The following ZNF423 variants were observed in gnomAD, a reference collection of about 807,000 sequenced individuals.
The protein encoded by ZNF423 is Ebf-associated zinc finger protein.
Under a neutral mutation model 95.8 loss-of-function variants are expected in ZNF423, and 12 were observed. That is an observed-to-expected ratio of 0.13 (90% CI 0.08 to 0.20). The LOEUF (loss-of-function observed/expected upper bound fraction) is 0.20, where lower values mean the gene tolerates loss of function less well. ZNF423 is among the 10% of genes least tolerant of loss of function. The pLI, the probability that ZNF423 is intolerant of heterozygous loss-of-function variation, is 1.00. For synonymous variants in ZNF423, 749 were observed against 711.9 expected (o/e 1.05, Z -0.83); for missense variants, 1,316 against 1,737.1 (o/e 0.76, Z 4.31).
intron 1 of ZNF423, among the ~76,000 whole-genome samples, chr16:49,831,997 A>AAG: frequency 6.6e-6 from 1 of 150,794 alleles, no homozygotes; most frequent in South Asian, 2.1e-4. Context: ...AAAAAAAAAA[A>AAG]GGAAGATGCC....
rs1211045896 is a variant in ZNF423, at chr16:49,842,410, AAGGCAGGCAGGCAGGCAGGC to A, written c.40+13305_40+13324del. Among the ~76,000 whole-genome samples the A allele has an allele frequency of 9.6e-4, 75 of 77,948 alleles. 1 individual carries two copies. The highest frequency in any genetic ancestry group is 4.2e-3 in the South Asian group (8 of 1,898). The allele number at this position is 77,948 out of a possible 152,430, so 51.1% of individuals were successfully genotyped here. ...GAAGGAAGGAAGGAAGGAAGGAAGG[AAGGCAGGCAGGCAGGCAGGC>A]AGGCAGGCAGGCAGGCAGGCCCATA... is the stretch of plus-strand genomic sequence containing the variant. On this transcript the variant is annotated intron_variant, in intron 1 of 7. Coordinates refer to ENST00000563137, the MANE Select transcript of ZNF423 (RefSeq NM_001379286.1).
chr16:49,491,386 C>T (rs757954584), intron 7 of ZNF423, 82 bp from the exon 8 acceptor site: 95 of 1,547,528 alleles, frequency 6.1e-5, no homozygotes, highest in Non-Finnish European at 7.9e-5. Context: ...GCATTTACGC[C>T]GGGAGCCGCA....
At chr16:49,714,383 G>A (rs1437354361) in intron 3 of ZNF423, among the ~76,000 whole-genome samples, 2 of 152,190 alleles carry the variant, frequency 1.3e-5, no homozygotes, top group Non-Finnish European at 2.9e-5. Flanking sequence ...GGGGCCAGGT[G>A]CGGTGGCTCA....
chr16:49,772,993 G>A (rs2034060615), intron 2 of ZNF423, among the ~76,000 whole-genome samples: 1 of 152,244 alleles, frequency 6.6e-6, no homozygotes. Flanking sequence ...AGGATGGAGT[G>A]AGTGCTGAGC....
chr16:49,554,115 A>G (rs1371023595), intron 5 of ZNF423, among the ~76,000 whole-genome samples: 1 of 152,140 alleles, frequency 6.6e-6, no homozygotes, highest in South Asian at 2.1e-4. Context: ...AACAGGATGC[A>G]TCCATGCTGG....
chr16:49,523,568 T>C (rs1861663073), intron 7 of ZNF423, 56 bp downstream of exon 7: 25 of 1,489,494 alleles, frequency 1.7e-5, no homozygotes, highest in East Asian at 1.4e-4. Flanking sequence ...CCGTCGGTGC[T>C]GACGGGGGAA....
At chr16:49,821,424 T>C (rs1342007882) in intron 1 of ZNF423, among the ~76,000 whole-genome samples, 1 of 152,160 alleles carries the variant, frequency 6.6e-6, no homozygotes, top group African/African-American at 2.4e-5. Context: ...TGATTGCCTC[T>C]GATTCTTCCC....
At chr16:49,570,184 C>A (rs566759921) in intron 5 of ZNF423, among the ~76,000 whole-genome samples, 1 of 152,208 alleles carries the variant, frequency 6.6e-6, no homozygotes, top group African/African-American at 2.4e-5. Context: ...CTCTGACTGA[C>A]GGAGCATAAA....
At chr16:49,777,066 G>A (rs1167473489) in intron 2 of ZNF423, among the ~76,000 whole-genome samples, 2 of 152,208 alleles carry the variant, frequency 1.3e-5, no homozygotes, top group Non-Finnish European at 2.9e-5. Flanking sequence ...CTGTATGCAC[G>A]TATGGGTGTG....
At chr16:49,849,621 G>A (rs2035280725) in intron 1 of ZNF423, among the ~76,000 whole-genome samples, 5 of 152,162 alleles carry the variant, frequency 3.3e-5, no homozygotes, top group Admixed American at 3.3e-4. Context: ...GAGTGTGTTT[G>A]CCTAGCTAGG....
At chr16:49,584,394 C>T (rs1430602002) in intron 5 of ZNF423, among the ~76,000 whole-genome samples, 1 of 152,162 alleles carries the variant, frequency 6.6e-6, no homozygotes, top group Non-Finnish European at 1.5e-5. Flanking sequence ...CTGTGTTTTT[C>T]AAGCTTTAAG....
At chr16:49,804,084 C>T (rs1000638036) in intron 1 of ZNF423, among the ~76,000 whole-genome samples, 11 of 151,952 alleles carry the variant, frequency 7.2e-5, no homozygotes, top group East Asian at 5.8e-4. Context: ...TACAGATGCC[C>T]GCCACTACGC....
At chr16:49,601,937 A>G (rs940933922) in intron 5 of ZNF423, among the ~76,000 whole-genome samples, 2 of 152,186 alleles carry the variant, frequency 1.3e-5, no homozygotes, top group Non-Finnish European at 2.9e-5. Context: ...TCATGTCTCT[A>G]GGTGATCTGG....
chr16:49,733,851 C>A (rs973375880), intron 2 of ZNF423, among the ~76,000 whole-genome samples: 11 of 152,202 alleles, frequency 7.2e-5, no homozygotes, highest in Non-Finnish European at 1.5e-5. Flanking sequence ...AAGGCCTCCA[C>A]CCCAGGCAGG....
intron 5 of ZNF423, among the ~76,000 whole-genome samples, chr16:49,570,291 T>C (rs1567474692): frequency 6.6e-6 from 1 of 152,162 alleles, no homozygotes; most frequent in Non-Finnish European, 1.5e-5. Context: ...TCTTTCATTA[T>C]CTCATTGAAC....
chr16:49,854,952 C>T (rs2144137929), intron 1 of ZNF423: 1 of 985,074 alleles, frequency 1.0e-6, no homozygotes, highest in East Asian at 1.1e-4. Flanking sequence ...TGCCGGTGCC[C>T]GGGGTCAGAT....
chr16:49,569,561 TG>T (rs1256219575), intron 5 of ZNF423, among the ~76,000 whole-genome samples: 1 of 152,162 alleles, frequency 6.6e-6, no homozygotes, highest in African/African-American at 2.4e-5. Flanking sequence ...TTTCCTCCTC[TG>T]GATGATGAAA....
intron 7 of ZNF423, among the ~76,000 whole-genome samples, chr16:49,499,998 C>T (rs542042457): frequency 6.6e-6 from 1 of 152,112 alleles, no homozygotes; most frequent in South Asian, 2.1e-4. Context: ...TGCAAATGGG[C>T]CCCGTCAGTC....
intron 5 of ZNF423, among the ~76,000 whole-genome samples, chr16:49,586,898 C>T (rs1970858456): frequency 1.3e-5 from 2 of 152,134 alleles, no homozygotes; most frequent in Admixed American, 1.3e-4. Context: ...CACCAAGGCA[C>T]TTTGTTTTCT....
Sources: gnomAD v4.1 joint callset for allele counts (sites outside exome capture counted in the v4.1 genomes callset) on GRCh38, gnomAD v4.1.1 for gene constraint, MANE v1.5 for transcripts, NCBI Gene and HGNC (gene_info 2026-07-23, HGNC 2026-07-21) for gene names.